The following BTBD9 variants were observed in gnomAD, a reference collection of about 807,000 sequenced individuals.
The protein encoded by BTBD9 is BTB domain containing 9.
Under a neutral mutation model 64.3 loss-of-function variants are expected in BTBD9, and 49 were observed. The observed-to-expected ratio is 0.76, with a 90% CI of 0.61 to 0.97. The LOEUF is 0.97. BTBD9 is among the 50% of genes least tolerant of loss of function. BTBD9 has a pLI of 0.00. For synonymous variants in BTBD9, 260 were observed against 274.7 expected (o/e 0.95, Z 0.53); for missense variants, 598 against 762.1 (o/e 0.78, Z 2.53).
chr6:38,545,464 C>T (rs1371232748), intron 6 of BTBD9, among the ~76,000 whole-genome samples: 1 of 152,058 alleles, frequency 6.6e-6, no homozygotes, highest in Non-Finnish European at 1.5e-5. Context: ...TACTAAGAAA[C>T]ACTGAATTGC....
At chr6:38,445,677 T>C (rs983713594) in intron 6 of BTBD9, among the ~76,000 whole-genome samples, 7 of 152,172 alleles carry the variant, frequency 4.6e-5, no homozygotes, top group Non-Finnish European at 8.8e-5. Flanking sequence ...TTTCATTAAA[T>C]ACAGACATGA....
At chr6:38,513,940 T>A (rs1053088854) in intron 6 of BTBD9, among the ~76,000 whole-genome samples, 2 of 152,202 alleles carry the variant, frequency 1.3e-5, no homozygotes, top group East Asian at 3.8e-4. Context: ...GACAACCTCA[T>A]TTAGTAGAAG....
At chr6:38,551,292 G>A (rs904681246) in intron 6 of BTBD9, among the ~76,000 whole-genome samples, 1 of 152,120 alleles carries the variant, frequency 6.6e-6, no homozygotes, top group African/African-American at 2.4e-5. Flanking sequence ...CATCAGGCAG[G>A]GCGATGTTCA....
chr6:38,379,335 G>A (rs1275452628), intron 6 of BTBD9, among the ~76,000 whole-genome samples: 2 of 152,230 alleles, frequency 1.3e-5, no homozygotes, highest in African/African-American at 2.4e-5. Context: ...AGGGCAGCCA[G>A]TTCAGACTGA....
chr6:38,552,317 C>T (rs1051518923), intron 6 of BTBD9, among the ~76,000 whole-genome samples: 2 of 152,244 alleles, frequency 1.3e-5, no homozygotes, highest in East Asian at 3.9e-4. Flanking sequence ...GAATGAATGC[C>T]TGGGTTGCAC....
chr6:38,266,068 A>G (rs1238540510), intron 8 of BTBD9, among the ~76,000 whole-genome samples: 1 of 151,652 alleles, frequency 6.6e-6, no homozygotes. Flanking sequence ...TCACATTTGG[A>G]AAAAAAACAA....
At chr6:38,473,268 A>T (rs1227258000) in intron 6 of BTBD9, among the ~76,000 whole-genome samples, 1 of 152,264 alleles carries the variant, frequency 6.6e-6, no homozygotes, top group East Asian at 1.9e-4. Flanking sequence ...CTCAATAAAA[A>T]GAAGTGAGTT....
intron 8 of BTBD9, among the ~76,000 whole-genome samples, chr6:38,287,117 C>A (rs1415070422): frequency 3.6e-5 from 5 of 137,536 alleles, no homozygotes; most frequent in East Asian, 4.4e-4. Context: ...TATACACACA[C>A]ACACACACAC....
At chr6:38,401,432 T>A (rs1388050639) in intron 6 of BTBD9, among the ~76,000 whole-genome samples, 1 of 152,206 alleles carries the variant, frequency 6.6e-6, no homozygotes, top group African/African-American at 2.4e-5. Flanking sequence ...AGTGTGAAAA[T>A]GGACTAATAC....
At chr6:38,607,170 C>A (rs1777458512) in intron 1 of BTBD9, among the ~76,000 whole-genome samples, 1 of 152,054 alleles carries the variant, frequency 6.6e-6, no homozygotes, top group South Asian at 2.1e-4. Context: ...AATCTAGTTA[C>A]TTAAAAGTTA....
intron 5 of BTBD9, among the ~76,000 whole-genome samples, chr6:38,579,204 C>A (rs1441427781): frequency 6.6e-6 from 1 of 152,192 alleles, no homozygotes; most frequent in Non-Finnish European, 1.5e-5. Flanking sequence ...TGCTGACTCA[C>A]ACTTCATAAA....
intron 6 of BTBD9, among the ~76,000 whole-genome samples, chr6:38,553,979 A>G (rs1774917399): frequency 6.6e-6 from 1 of 152,196 alleles, no homozygotes; most frequent in Admixed American, 6.5e-5. Flanking sequence ...CACACTATTT[A>G]CTAGTTTAGC....
chr6:38,584,153 C>G (rs1258710319), intron 4 of BTBD9, among the ~76,000 whole-genome samples: 2 of 151,976 alleles, frequency 1.3e-5, no homozygotes, highest in Non-Finnish European at 2.9e-5. Context: ...ATGGCAAAAC[C>G]CCATCTCTAC....
chr6:38,264,136 G>A (rs1561943508), intron 8 of BTBD9, among the ~76,000 whole-genome samples: 2 of 152,192 alleles, frequency 1.3e-5, no homozygotes, highest in South Asian at 2.1e-4. Flanking sequence ...TGGGCTCAGT[G>A]GCATCAGTGG....
intron 2 of BTBD9, among the ~76,000 whole-genome samples, chr6:38,594,756 G>A (rs1225716406): frequency 6.6e-6 from 1 of 152,208 alleles, no homozygotes; most frequent in Non-Finnish European, 1.5e-5. Context: ...TAAAAGGCTT[G>A]TTAATATCAG....
At chr6:38,491,269 G>A (rs1449397551) in intron 6 of BTBD9, among the ~76,000 whole-genome samples, 1 of 152,202 alleles carries the variant, frequency 6.6e-6, no homozygotes, top group African/African-American at 2.4e-5. Context: ...ATAAGAATAT[G>A]TGCTTTGAAG....
chr6:38,605,025 G>T (rs1266926506), intron 1 of BTBD9, among the ~76,000 whole-genome samples: 1 of 151,766 alleles, frequency 6.6e-6, no homozygotes, highest in Non-Finnish European at 1.5e-5. Context: ...CTAGAAAAAT[G>T]AGAATAAAAA....
chr6:38,538,102 G>A (rs1774105055), intron 6 of BTBD9, among the ~76,000 whole-genome samples: 1 of 152,136 alleles, frequency 6.6e-6, no homozygotes, highest in African/African-American at 2.4e-5. Flanking sequence ...AATAGTTATT[G>A]ATAAAATTAA....
chr6:38,392,055 T>C (rs886762516), intron 6 of BTBD9, among the ~76,000 whole-genome samples: 3 of 152,080 alleles, frequency 2.0e-5, no homozygotes, highest in African/African-American at 7.2e-5. Flanking sequence ...CATCATGCAA[T>C]AGACCACTTT....
Sources: gnomAD v4.1 joint callset for allele counts (sites outside exome capture counted in the v4.1 genomes callset) on GRCh38, gnomAD v4.1.1 for gene constraint, MANE v1.5 for transcripts, NCBI Gene and HGNC (gene_info 2026-07-23, HGNC 2026-07-21) for gene names.